The following MAPK8 variants were observed in gnomAD, a reference collection of about 807,000 sequenced individuals.
MAPK8 encodes JUN N-terminal kinase.
A neutral mutation model predicts 52.9 loss-of-function variants in MAPK8; 13 were observed. The ratio of observed to expected loss-of-function variants is 0.25; its 90% confidence interval spans 0.16 to 0.39. MAPK8 has a LOEUF of 0.39. MAPK8 is among the 10% of genes least tolerant of loss of function. The pLI is 1.00. For missense variants in MAPK8, 300 were observed against 519.2 expected, an observed-to-expected ratio of 0.58 and a Z score of 4.10; for synonymous variants, 191 against 169.8, an observed-to-expected ratio of 1.12 and a Z score of -0.97.
At chr10:48,331,491 C>T (rs1356947041) in intron 1 of MAPK8, among the ~76,000 whole-genome samples, 12 of 152,148 alleles carry the variant, frequency 7.9e-5, no homozygotes, top group Non-Finnish European at 1.6e-4. Context: ...TGGTCTTTTC[C>T]CCTCCCTTCC....
chr10:48,382,544 GTTCATAAATAGAACAAGTT>G (rs2041062590), intron 1 of MAPK8, among the ~76,000 whole-genome samples: 1 of 151,840 alleles, frequency 6.6e-6, no homozygotes, highest in Non-Finnish European at 1.5e-5. Context: ...TGGATTCAAA[GTTCATAAATAGAACAAGTT>G]CAAGTTTATT....
intron 2 of MAPK8, among the ~76,000 whole-genome samples, chr10:48,403,761 T>C (rs1288015052): frequency 2.0e-5 from 3 of 152,052 alleles, no homozygotes. Flanking sequence ...TTTTTTGTTT[T>C]TTTTTGAGAC....
intron 1 of MAPK8, among the ~76,000 whole-genome samples, chr10:48,337,879 C>A (rs962973782): frequency 6.6e-5 from 10 of 151,882 alleles, no homozygotes; most frequent in African/African-American, 2.2e-4. Context: ...AAGCACACAG[C>A]CTTCCAAGAG....
chr10:48,434,707 T>C (rs889278960), intron 11 of MAPK8, among the ~76,000 whole-genome samples, 177 bp from the exon 12 acceptor site: 4 of 152,210 alleles, frequency 2.6e-5, no homozygotes, highest in African/African-American at 9.6e-5. Context: ...TCTCACCTCA[T>C]AGCTGTCAAT....
chr10:48,351,272 A>ATTTTTTTTTT (rs66660207), intron 1 of MAPK8, among the ~76,000 whole-genome samples: 3 of 129,536 alleles, frequency 2.3e-5, no homozygotes, highest in Non-Finnish European at 3.1e-5. Context: ...ATAACTTTGA[A>ATTTTTTTTTT]TTTTTTTTTT....
chr10:48,319,656 A>AT (rs1412449708), intron 1 of MAPK8, among the ~76,000 whole-genome samples: 5 of 151,748 alleles, frequency 3.3e-5, no homozygotes, highest in African/African-American at 7.3e-5. Context: ...GGCCTGGCTA[A>AT]TTTTTTTGTA....
At chr10:48,382,801 A>G (rs909473652) in intron 1 of MAPK8, among the ~76,000 whole-genome samples, 4 of 147,148 alleles carry the variant, frequency 2.7e-5, no homozygotes, top group African/African-American at 4.9e-5. Flanking sequence ...ACTTATATAT[A>G]ATATATATTA....
chr10:48,338,265 G>A (rs1844889119), intron 1 of MAPK8, among the ~76,000 whole-genome samples: 1 of 152,090 alleles, frequency 6.6e-6, no homozygotes, highest in Admixed American at 6.6e-5. Flanking sequence ...CCATGATCAG[G>A]TAGGTTTTTT....
chr10:48,400,140 C>T (rs879773154), intron 1 of MAPK8, among the ~76,000 whole-genome samples: 2 of 152,172 alleles, frequency 1.3e-5, no homozygotes, highest in Non-Finnish European at 2.9e-5. Context: ...GTGAACATAG[C>T]TCAGTGTTTA....
At chr10:48,381,353 C>T (rs2040991936) in intron 1 of MAPK8, among the ~76,000 whole-genome samples, 1 of 152,268 alleles carries the variant, frequency 6.6e-6, no homozygotes, top group African/African-American at 2.4e-5. Context: ...TTTAGCAAAA[C>T]TCACACCCTC....
At chr10:48,387,888 C>T (rs1438895785) in intron 1 of MAPK8, among the ~76,000 whole-genome samples, 2 of 152,068 alleles carry the variant, frequency 1.3e-5, no homozygotes. Flanking sequence ...GAATTTTGTG[C>T]ACTCTGGGCT....
At chr10:48,408,954 C>T (rs994878260) in intron 3 of MAPK8, among the ~76,000 whole-genome samples, 2 of 152,122 alleles carry the variant, frequency 1.3e-5, no homozygotes, top group Non-Finnish European at 2.9e-5. Flanking sequence ...TTTCGTCTTC[C>T]CTTGTTTTAG....
chr10:48,359,745 C>T (rs865834111), intron 1 of MAPK8, among the ~76,000 whole-genome samples: 12 of 152,052 alleles, frequency 7.9e-5, no homozygotes, highest in Non-Finnish European at 1.2e-4. Flanking sequence ...TTCCTCACAT[C>T]GTATAAAAAT....
At chr10:48,418,294 T>G (rs2043171158) in intron 5 of MAPK8, among the ~76,000 whole-genome samples, 1 of 152,188 alleles carries the variant, frequency 6.6e-6, no homozygotes, top group Admixed American at 6.5e-5. Context: ...TTTATAATAA[T>G]TAACACCCCA....
At chr10:48,405,004 C>A (rs2042383875) in intron 3 of MAPK8, 23 bp downstream of exon 3, 1 of 1,554,046 alleles carries the variant, frequency 6.4e-7, no homozygotes, top group East Asian at 2.3e-5. Context: ...TTTTGGTTTC[C>A]TAAGTATAGA....
intron 5 of MAPK8, among the ~76,000 whole-genome samples, chr10:48,411,900 T>C (rs1429649331): frequency 6.8e-6 from 1 of 147,232 alleles, no homozygotes; most frequent in Non-Finnish European, 1.5e-5. Context: ...TCTTGTCTTG[T>C]CTTCTCCATT....
At chr10:48,413,815 T>TTATATA (rs59042608) in intron 5 of MAPK8, among the ~76,000 whole-genome samples, 2,764 of 47,554 alleles carry the variant, frequency 0.058, 186 homozygotes, top group East Asian at 0.071. Flanking sequence ...GCCAGAATTG[T>TTATATA]TATATATATA....
Position 48,437,462 on chromosome 10 carries a change from TACTC to T in MAPK8, c.*2437_*2440del, listed in dbSNP as rs1008852830. On this transcript the variant is annotated 3_prime_UTR_variant, in exon 12 of 12. Transcript: ENST00000374189. ...ATTTTTCAATTTTATATACTTAATA[TACTC>T]ACTGTCTTACTATCAGAAAGTTATT... 1.3e-4 allele frequency: 20 copies of T among 152,222 alleles called. No homozygotes were observed. Among genetic ancestry groups the T allele is most frequent in the African/African-American group, 4.8e-4 (20 of 41,458 alleles). 9.4% of individuals were successfully genotyped at this position (152,222 alleles called of 1,614,324 possible).
At chr10:48,395,520 GA>G (rs2041843423) in intron 1 of MAPK8, among the ~76,000 whole-genome samples, 5 of 151,850 alleles carry the variant, frequency 3.3e-5, no homozygotes, top group Admixed American at 3.3e-4. Flanking sequence ...ACCAAACTGT[GA>G]AAGAAAAAAT....
Sources: gnomAD v4.1 joint callset for allele counts (sites outside exome capture counted in the v4.1 genomes callset) on GRCh38, gnomAD v4.1.1 for gene constraint, MANE v1.5 for transcripts, NCBI Gene and HGNC (gene_info 2026-07-23, HGNC 2026-07-21) for gene names.